Variants in SYNE1 observed in about 807,000 individuals in gnomAD.
SYNE1 encodes nesprin-1.
SYNE1 carries 616 observed loss-of-function variants against 1,111.0 expected under a neutral mutation model. The ratio of observed to expected loss-of-function variants is 0.55; its 90% CI spans 0.52 to 0.59. SYNE1 has a LOEUF of 0.59. Ranked by LOEUF, SYNE1 falls within the 20% of genes least tolerant of loss-of-function variation. The probability of loss-of-function intolerance (pLI) is 0.00; values close to 1 mark genes in which losing one functional copy is unlikely to be tolerated. For synonymous variants in SYNE1, 3,855 were observed against 3,825.8 expected (o/e 1.01, Z -0.28); for missense variants, 10,006 against 10,417.0 (o/e 0.96, Z 1.72).
intron 126 of SYNE1, 112 bp downstream of exon 126, chr6:152,206,056 C>T: frequency 9.4e-7 from 1 of 1,067,604 alleles, no homozygotes; most frequent in Admixed American, 2.0e-5. Context: ...CAAAATACTG[C>T]AGGGTATTAT....
intron 5 of SYNE1, among the ~76,000 whole-genome samples, chr6:152,524,717 T>C (rs180857011): frequency 9.9e-5 from 15 of 152,016 alleles, no homozygotes; most frequent in African/African-American, 3.1e-4. Flanking sequence ...GAGAGCGAGA[T>C]GGGGAAGGAG....
rs187508651 is a variant in SYNE1 at position 152,151,661 on chromosome 6, C to T, written c.24342G>A (p.Glu8114=). The change falls in exon 135 of 146, where the codon GAG becomes GAA. Residue 8114 remains glutamate (E), a synonymous_variant. Coordinates refer to ENST00000367255, the MANE Select transcript of SYNE1 (RefSeq NM_182961.4). ...AGACCAGAATGCTGTCCCGCGCAGT[C>T]TCAAACTCCTCACGCTGGCCAATAA... ...KHFIGQREEF[E]TARDSILVWL... 6.2e-7 allele frequency: 1 copy of T among 1,614,136 alleles called. No individual in the cohort carries two copies. The highest frequency in any genetic ancestry group is 1.3e-5 in the African/African-American group (1 of 75,038).
chr6:152,350,275 G>C lies in SYNE1; in HGVS notation c.11794C>G (p.Gln3932Glu). The C allele has an allele frequency of 6.2e-7, 1 of 1,614,156 alleles. No homozygotes were observed. The highest frequency in any genetic ancestry group is 8.5e-7 in the Non-Finnish European group (1 of 1,180,042). Residue 3932 changes from glutamine (Q) to glutamate (E), a missense_variant, in exon 72 of 146, where the codon CAA (glutamine) becomes GAA (glutamate). Physicochemically the swap from Gln to Glu is conservative, Grantham distance 29. Around this residue, in one of 7 missense-constraint regions of SYNE1, gnomAD observed 4,955 missense variants for 5,017.2 expected, o/e 0.99. Transcript: ENST00000367255. ...KDHEDYNSEL[Q>E]EVEKWLLQMS... Reference sequence around the variant, plus strand: ...TGCAGCAGCCACTTTTCGACCTCTTGGAGCTCACTGTTGTAGTCTTCATGG... The same window carrying C: ...TGCAGCAGCCACTTTTCGACCTCTTCGAGCTCACTGTTGTAGTCTTCATGG...
intron 122 of SYNE1, 118 bp downstream of exon 122, chr6:152,214,788 G>T: frequency 1.5e-6 from 2 of 1,369,306 alleles, no homozygotes; most frequent in Non-Finnish European, 2.1e-6. Flanking sequence ...CTCCAGAACT[G>T]TGAGACTGTT....
chr6:152,485,066 G>A, intron 12 of SYNE1, 94 bp from the exon 13 acceptor site: 1 of 1,329,002 alleles, frequency 7.5e-7, no homozygotes, highest in Non-Finnish European at 1.0e-6. Context: ...TTTTCTATTT[G>A]GATAACACTC....
chr6:152,440,645 G>A (rs111905773), intron 32 of SYNE1, among the ~76,000 whole-genome samples: 6,978 of 139,684 alleles, frequency 0.05, 533 homozygotes, highest in African/African-American at 0.18. Context: ...TCGGCTCACT[G>A]CAACCTCTGC....
Position 152,425,499 on chromosome 6 carries a change from A to C in SYNE1, c.5149T>G (p.Leu1717Val). 1 of 1,614,172 alleles carries C rather than the reference A, an allele frequency of 6.2e-7. No homozygotes were observed. The highest frequency in any genetic ancestry group is 1.1e-5 in the South Asian group (1 of 91,086). Reference sequence around the variant, plus strand: ...GAGAACAATGATTCCTTCAATTGCAAAAGTTTGCTATAGAATGAGGCCTGG... The same window carrying C: ...GAGAACAATGATTCCTTCAATTGCACAAGTTTGCTATAGAATGAGGCCTGG... ...VSQASFYSKL[L>V]QLKESLFSVA... is the part of the protein sequence containing the mutation. Residue 1717 changes from leucine to valine, a missense_variant, in exon 39 of 146, where the codon TTG becomes GTG. Coordinates refer to ENST00000367255, the MANE Select transcript of SYNE1 (RefSeq NM_182961.4).
At chr6:152,332,180 G>A (rs1368131329) in intron 77 of SYNE1, among the ~76,000 whole-genome samples, 1 of 152,050 alleles carries the variant, frequency 6.6e-6, no homozygotes, top group Non-Finnish European at 1.5e-5. Flanking sequence ...CACCATGTTG[G>A]TCAGGCTGGT....
chr6:152,439,651 C>CA (rs2098509846), intron 32 of SYNE1, among the ~76,000 whole-genome samples: 2 of 152,024 alleles, frequency 1.3e-5, no homozygotes, highest in African/African-American at 4.8e-5. Context: ...TTAGGAGAAA[C>CA]AAAAAATTAG....
At position 152,605,030 on chromosome 6, in the gene SYNE1, GA is replaced by G. The variant is rs1565141743; in HGVS notation, c.67+23234del. On this transcript the variant is annotated intron_variant, in intron 3 of 145. Coordinates refer to ENST00000367255, the MANE Select transcript of SYNE1 (RefSeq NM_182961.4). ...AAAGAGAGAGAGAGAGAGAGAGAGA[GA>G]GAGAGGGAGGGAGGGAGGGAGGGAG... 2.2e-3 allele frequency among the ~76,000 whole-genome samples: 141 copies of G among 63,514 alleles called. 4 individuals carry two copies. The highest frequency in any genetic ancestry group is 7.6e-3 in the African/African-American group (98 of 12,950). The allele number at this position is 63,514 out of a possible 152,430, so 41.7% of individuals were successfully genotyped here.
At chr6:152,254,739 C>T (rs1236463916) in intron 104 of SYNE1, 141 bp downstream of exon 104, 1 of 851,808 alleles carries the variant, frequency 1.2e-6, no homozygotes, top group Non-Finnish European at 1.8e-6. Flanking sequence ...TTTAATTCAA[C>T]CCCCTTCATT....
At position 152,396,883 on chromosome 6, in the gene SYNE1, C is replaced by T; in HGVS notation, c.7448G>A (p.Ser2483Asn). Reference protein sequence around the residue: ...LYAHLSKQIVSSIQEQITKAN... With the variant: ...LYAHLSKQIVNSIQEQITKAN... Reference sequence around the variant, plus strand: ...CTTTGTGATTTGTTCTTGAATGCTACTGACAATTTGTTTAGACAAATGTGC... The same window carrying T: ...CTTTGTGATTTGTTCTTGAATGCTATTGACAATTTGTTTAGACAAATGTGC... Residue 2483 changes from serine (S) to asparagine (N), a missense_variant, in exon 50 of 146, where the codon AGT becomes AAT. This residue lies in a region of SYNE1 where 4,955 missense variants were observed against 5,017.2 expected (regional missense o/e 0.99). Transcript: ENST00000367255. 2 of 1,614,164 alleles carry T rather than the reference C, an allele frequency of 1.2e-6. No homozygotes were observed. The highest frequency in any genetic ancestry group is 1.7e-6 in the Non-Finnish European group (2 of 1,180,016).
At chr6:152,600,550 T>G (rs779304245) in intron 3 of SYNE1, among the ~76,000 whole-genome samples, 4 of 152,222 alleles carry the variant, frequency 2.6e-5, no homozygotes, top group Non-Finnish European at 5.9e-5. Flanking sequence ...CCCTTGGGGT[T>G]GAAGTATCTG....
chr6:152,277,344 C>T (rs1455111585), intron 98 of SYNE1, among the ~76,000 whole-genome samples: 1 of 120,666 alleles, frequency 8.3e-6, no homozygotes, highest in Non-Finnish European at 1.6e-5. Context: ...GTGATATAAT[C>T]TCGGCTCACT....
At position 152,331,688 on chromosome 6, in the gene SYNE1, T is replaced by C; in HGVS notation, c.12997A>G (p.Lys4333Glu). 6.2e-7 allele frequency: 1 copy of C among 1,614,218 alleles called. No homozygotes were observed. Among genetic ancestry groups the C allele is most frequent in the Non-Finnish European group, 8.5e-7 (1 of 1,180,042 alleles). The change falls in exon 78 of 146, where the codon AAA (lysine) becomes GAA (glutamate). Residue 4333 changes from lysine (K) to glutamate (E), a missense_variant. This residue lies in a region of SYNE1 where 4,955 missense variants were observed against 5,017.2 expected (regional missense o/e 0.99). Transcript: ENST00000367255. ...QRWFQLEDLI[K>E]RKIQVSVTNL... is the part of the protein sequence containing the mutation. The stretch of plus-strand genomic sequence containing the variant: ...GTGACTGACACTTGGATTTTCCTTT[T>C]AATGAGGTCCTCAAGCTGAAACCAA...
Position 152,453,571 on chromosome 6 carries a change from C to T in SYNE1, c.3027+15G>A. The T allele has an allele frequency of 6.2e-7, 1 of 1,614,230 alleles. No individual in the cohort carries two copies. The highest frequency in any genetic ancestry group is 8.5e-7 in the Non-Finnish European group (1 of 1,180,034). ...CATTGAGGATGCACGGTGTCTCCGT[C>T]CTGTCCTGACTCACCTTCCATTGTT... On this transcript the variant is annotated intron_variant, in intron 25 of 145. Transcript: ENST00000367255.
chr6:152,491,251 C>T (rs2098968722), intron 11 of SYNE1, among the ~76,000 whole-genome samples: 1 of 151,980 alleles, frequency 6.6e-6, no homozygotes, highest in African/African-American at 2.4e-5. Flanking sequence ...ATTATTCACC[C>T]ACATTCCACT....
chr6:152,271,342 G>A (rs2093192290), intron 98 of SYNE1, among the ~76,000 whole-genome samples: 1 of 152,112 alleles, frequency 6.6e-6, no homozygotes, highest in Non-Finnish European at 1.5e-5. Flanking sequence ...AAAACCTGTA[G>A]GTAATAGTAT....
At chr6:152,216,170 A>G (rs2078608464) in intron 121 of SYNE1, among the ~76,000 whole-genome samples, 1 of 152,216 alleles carries the variant, frequency 6.6e-6, no homozygotes, top group African/African-American at 2.4e-5. Context: ...AAGAAAGAAT[A>G]AATCTCAAAT....
Sources: allele counts gnomAD v4.1 joint callset (sites outside exome capture counted in the v4.1 genomes callset), GRCh38; gene constraint gnomAD v4.1.1; regional missense constraint gnomAD v4.1.1; transcripts MANE v1.5; gene names NCBI Gene and HGNC (gene_info 2026-07-23, HGNC 2026-07-21).